CLIP4: variants seen among roughly 807,000 people sequenced by gnomAD.
The protein encoded by CLIP4 is CAP-Gly domain-containing linker protein 4.
Under a neutral mutation model 73.1 loss-of-function variants are expected in CLIP4, and 47 were observed. The ratio of observed to expected loss-of-function variants is 0.64; its 90% confidence interval spans 0.51 to 0.82. CLIP4 has a LOEUF of 0.82. Among genes scored for constraint, CLIP4 ranks in the 40% least tolerant of loss-of-function variants. The pLI, the probability that CLIP4 is intolerant of heterozygous loss-of-function variation, is 0.00. For synonymous variants in CLIP4, 306 were observed against 295.4 expected, an observed-to-expected ratio of 1.04 and a Z score of -0.37; for missense variants, 874 against 852.9, an observed-to-expected ratio of 1.02 and a Z score of -0.31.
intron 8 of CLIP4, 147 bp downstream of exon 8, chr2:29,145,514 G>A (rs1255656668): frequency 1.3e-5 from 8 of 618,894 alleles, no homozygotes; most frequent in Non-Finnish European, 1.9e-5. Context: ...TTTAAAGATA[G>A]GAGATAGTTA....
At chr2:29,168,273 A>C (rs950822267) in intron 14 of CLIP4, among the ~76,000 whole-genome samples, 1 of 152,146 alleles carries the variant, frequency 6.6e-6, no homozygotes, top group Non-Finnish European at 1.5e-5. Flanking sequence ...TTCCTCTATT[A>C]TGAAGTACCT....
At chr2:29,133,629 A>G (rs1178953588) in intron 4 of CLIP4, 26 bp from the exon 5 acceptor site, 1 of 1,584,238 alleles carries the variant, frequency 6.3e-7, no homozygotes, top group East Asian at 2.2e-5. Flanking sequence ...GTACTAAAGG[A>G]AAGTAATTTA....
At chr2:29,167,599 A>G in intron 14 of CLIP4, 59 bp downstream of exon 14, 1 of 1,324,486 alleles carries the variant, frequency 7.6e-7, no homozygotes, top group Non-Finnish European at 1.1e-6. Flanking sequence ...TTTATTGAAA[A>G]ATTTTTATTA....
intron 9 of CLIP4, among the ~76,000 whole-genome samples, chr2:29,153,896 G>A (rs977955759): frequency 3.3e-5 from 5 of 152,156 alleles, no homozygotes; most frequent in African/African-American, 1.2e-4. Context: ...CTGATTTGGG[G>A]CTTTTATAAA....
intron 4 of CLIP4, among the ~76,000 whole-genome samples, chr2:29,133,431 A>G (rs149299293): frequency 2.0e-5 from 3 of 152,202 alleles, no homozygotes; most frequent in Non-Finnish European, 4.4e-5. Flanking sequence ...TTTTAGAATT[A>G]TATTAACAAT....
chr2:29,176,996 C>G (rs1312221381), intron 15 of CLIP4, among the ~76,000 whole-genome samples: 3 of 151,788 alleles, frequency 2.0e-5, no homozygotes, highest in African/African-American at 7.3e-5. Flanking sequence ...ATTTATTGGC[C>G]TAGCATTCGA....
chr2:29,143,281 C>G (rs974981436), intron 6 of CLIP4, among the ~76,000 whole-genome samples: 3 of 109,146 alleles, frequency 2.7e-5, no homozygotes, highest in Non-Finnish European at 4.2e-5. Context: ...CAGCTCCTCC[C>G]TGGTCTGCTT....
rs1411779537 is a variant in CLIP4 at position 29,115,868 on chromosome 2, G to T, written c.-16+203G>T. Among the ~76,000 whole-genome samples the T allele has an allele frequency of 6.6e-6, 1 of 151,928 alleles. No individual in the cohort carries two copies. Among genetic ancestry groups the T allele is most frequent in the Admixed American group, 6.6e-5 (1 of 15,266 alleles). ...GCCGCGGGGAGGCCTTCTCGGGGCG[G>T]AGCGGCCCACCCGGCGGGGATGGGG... On this transcript the variant is annotated intron_variant, in intron 1 of 15. Transcript: ENST00000320081. This position sits in a 1 kb window ranked among gnomAD's most constrained non-coding sequence, Gnocchi z 5.1.
At chr2:29,105,013 T>A (rs542368308) in intron 1 of CLIP4, among the ~76,000 whole-genome samples, 1 of 152,174 alleles carries the variant, frequency 6.6e-6, no homozygotes, top group South Asian at 2.1e-4. Context: ...TTTTGTCCAA[T>A]GGGCACATAT....
intron 14 of CLIP4, among the ~76,000 whole-genome samples, chr2:29,170,341 C>A (rs1282301570): frequency 2.0e-5 from 3 of 152,152 alleles, no homozygotes; most frequent in African/African-American, 7.2e-5. Flanking sequence ...TCCTGTTTTT[C>A]CATGATGGCT....
At chr2:29,131,545 A>G (rs537800795) in intron 3 of CLIP4, 148 bp downstream of exon 3, 1 of 784,084 alleles carries the variant, frequency 1.3e-6, no homozygotes, top group African/African-American at 1.8e-5. Context: ...TTCATGGGGC[A>G]GTGAGTTAAT....
chr2:29,110,231 T>C (rs1668350725), intron 1 of CLIP4, among the ~76,000 whole-genome samples: 1 of 152,170 alleles, frequency 6.6e-6, no homozygotes, highest in Non-Finnish European at 1.5e-5. Context: ...TGCGGCTCAA[T>C]GGAGTCCTCT....
At chr2:29,102,196 G>C (rs1329582336) in intron 1 of CLIP4, among the ~76,000 whole-genome samples, 2 of 152,142 alleles carry the variant, frequency 1.3e-5, no homozygotes, top group Non-Finnish European at 2.9e-5. Flanking sequence ...ACTAGGGGAA[G>C]AGCAAGGAGG....
intron 1 of CLIP4, among the ~76,000 whole-genome samples, chr2:29,098,437 A>G (rs976399799): frequency 2.0e-5 from 3 of 152,088 alleles, no homozygotes; most frequent in African/African-American, 7.2e-5. Context: ...CCTGACAACC[A>G]CTGATCATTT....
intron 1 of CLIP4, among the ~76,000 whole-genome samples, chr2:29,102,006 C>A (rs556260357): frequency 7.2e-5 from 11 of 152,060 alleles, no homozygotes; most frequent in Non-Finnish European, 1.3e-4. Context: ...TCATAAATAG[C>A]AATATGGACC....
chr2:29,169,332 TG>T (rs1667849363), intron 14 of CLIP4, among the ~76,000 whole-genome samples: 1 of 798 alleles, frequency 1.3e-3, no homozygotes, highest in Admixed American at 0.025. Context: ...TTTTTCACTG[TG>T]TGTGTGTGTG....
intron 15 of CLIP4, among the ~76,000 whole-genome samples, chr2:29,179,304 G>A (rs1463351969): frequency 6.6e-6 from 1 of 152,020 alleles, no homozygotes; most frequent in African/African-American, 2.4e-5. Flanking sequence ...TGTTTTCTAT[G>A]TCATTTAAAA....
chr2:29,106,750 G>A (rs2148437176), intron 1 of CLIP4, among the ~76,000 whole-genome samples: 1 of 152,246 alleles, frequency 6.6e-6, no homozygotes, highest in East Asian at 1.9e-4. Flanking sequence ...ATGATTTGAT[G>A]GGTCAGTATG....
intron 15 of CLIP4, chr2:29,175,631 G>A (rs1371751109): frequency 2.0e-5 from 3 of 152,196 alleles, no homozygotes; most frequent in African/African-American, 7.2e-5. Context: ...CTCTGTAGAC[G>A]TGAGGTGGAA....
Sources: allele counts gnomAD v4.1 joint callset (sites outside exome capture counted in the v4.1 genomes callset), GRCh38; gene constraint gnomAD v4.1.1; non-coding constraint Gnocchi (gnomAD v3.1); transcripts MANE v1.5; gene names NCBI Gene and HGNC (gene_info 2026-07-23, HGNC 2026-07-21).